Variants in GRIK2 observed in about 807,000 individuals in gnomAD.
GRIK2 encodes the protein glutamate ionotropic receptor kainate type subunit 2.
A neutral mutation model predicts 100.3 loss-of-function variants in GRIK2; 32 were observed. The observed-to-expected ratio is 0.32, with a 90% confidence interval of 0.24 to 0.43. The LOEUF (loss-of-function observed/expected upper bound fraction) is 0.43, where lower values mean the gene tolerates loss of function less well. Among genes scored for constraint, GRIK2 ranks in the 20% least tolerant of loss-of-function variants. The pLI is 1.00. For missense variants in GRIK2, 843 were observed against 1,114.9 expected, an observed-to-expected ratio of 0.76 and a Z score of 3.47; for synonymous variants, 417 against 389.4, an observed-to-expected ratio of 1.07 and a Z score of -0.83.
At chr6:101,504,744 TA>T (rs1368056403) in intron 2 of GRIK2, among the ~76,000 whole-genome samples, 2 of 151,996 alleles carry the variant, frequency 1.3e-5, no homozygotes, top group Non-Finnish European at 1.5e-5. Flanking sequence ...AGATAACATA[TA>T]AAAAAATAAG....
At chr6:102,021,650 A>C (rs1479436476) in intron 14 of GRIK2, among the ~76,000 whole-genome samples, 5 of 151,542 alleles carry the variant, frequency 3.3e-5, no homozygotes, top group African/African-American at 9.7e-5. Flanking sequence ...TCAGACTCGT[A>C]TATTATATTC....
chr6:101,537,220 T>C (rs1562209066), intron 2 of GRIK2, among the ~76,000 whole-genome samples: 1 of 151,818 alleles, frequency 6.6e-6, no homozygotes, highest in Non-Finnish European at 1.5e-5. Context: ...ATATTAAATA[T>C]TATTCTTTCA....
At chr6:101,633,746 T>C (rs1780877979) in intron 4 of GRIK2, among the ~76,000 whole-genome samples, 1 of 152,090 alleles carries the variant, frequency 6.6e-6, no homozygotes, top group South Asian at 2.1e-4. Context: ...CAAATACACA[T>C]ACACATACAC....
intron 14 of GRIK2, among the ~76,000 whole-genome samples, chr6:101,962,031 A>T (rs141615793): frequency 5.3e-5 from 8 of 152,264 alleles, no homozygotes; most frequent in African/African-American, 1.9e-4. Flanking sequence ...AACCCACAGC[A>T]GTACTTGGGT....
At chr6:101,598,066 C>T (rs1294030576) in intron 2 of GRIK2, among the ~76,000 whole-genome samples, 1 of 151,740 alleles carries the variant, frequency 6.6e-6, no homozygotes, top group Non-Finnish European at 1.5e-5. Flanking sequence ...GATTGTATGG[C>T]TAGAAAATGT....
intron 14 of GRIK2, among the ~76,000 whole-genome samples, chr6:101,988,697 A>G (rs1032705784): frequency 2.0e-5 from 3 of 151,892 alleles, no homozygotes; most frequent in African/African-American, 7.2e-5. Flanking sequence ...TTGATCTTAA[A>G]CTTTAATTAA....
At chr6:101,631,091 TTTG>T (rs960438677) in intron 4 of GRIK2, among the ~76,000 whole-genome samples, 81 of 152,256 alleles carry the variant, frequency 5.3e-4, no homozygotes, top group African/African-American at 1.9e-3. Flanking sequence ...ATAATTAGCA[TTTG>T]TTGTTGTCAT....
intron 7 of GRIK2, among the ~76,000 whole-genome samples, chr6:101,765,645 T>C (rs976598587): frequency 2.0e-5 from 3 of 152,266 alleles, no homozygotes; most frequent in African/African-American, 7.2e-5. Flanking sequence ...AGAAGTCACA[T>C]GAAAATAGTC....
At chr6:101,924,546 A>G (rs1298318101) in intron 12 of GRIK2, 55 bp from the exon 13 acceptor site, 1 of 899,416 alleles carries the variant, frequency 1.1e-6, no homozygotes, top group African/African-American at 1.6e-5. Flanking sequence ...AATGCTGGAT[A>G]GAATTTCTTC....
chr6:101,981,446 A>G (rs1184233116), intron 14 of GRIK2, among the ~76,000 whole-genome samples: 1 of 151,870 alleles, frequency 6.6e-6, no homozygotes, highest in Non-Finnish European at 1.5e-5. Context: ...CATTCAGCCC[A>G]AAGATCAACT....
At chr6:101,644,419 C>T (rs921083067) in intron 4 of GRIK2, among the ~76,000 whole-genome samples, 3 of 151,488 alleles carry the variant, frequency 2.0e-5, no homozygotes, top group African/African-American at 4.8e-5. Context: ...TCTAGAGATG[C>T]CCAAGAATAA....
chr6:101,952,047 C>G (rs1327724076), intron 14 of GRIK2, among the ~76,000 whole-genome samples: 1 of 152,214 alleles, frequency 6.6e-6, no homozygotes, highest in East Asian at 1.9e-4. Context: ...CTTCAACAGT[C>G]ATAACCTTTT....
Position 102,035,514 on chromosome 6 carries a change from A to C in GRIK2, c.2259A>C (p.Thr753=), listed in dbSNP as rs1296900222. The C allele has an allele frequency of 8.1e-6, 13 of 1,609,922 alleles. No individual in the cohort carries two copies. The highest frequency in any genetic ancestry group is 1.1e-5 in the Non-Finnish European group (13 of 1,177,196). ...EFVTQRNCNL[T]QIGGLIDSKG... Reference sequence around the variant, plus strand: ...TTACCCAGCGGAACTGTAACCTGACACAGATTGGCGGCCTTATAGACTCTA... The same window carrying C: ...TTACCCAGCGGAACTGTAACCTGACCCAGATTGGCGGCCTTATAGACTCTA... The change falls in exon 15 of 17, where the codon ACA becomes ACC. Residue 753 remains threonine, a synonymous_variant. Transcript: ENST00000369134.
intron 11 of GRIK2, among the ~76,000 whole-genome samples, chr6:101,869,253 C>T (rs375122898): frequency 8.6e-5 from 13 of 151,834 alleles, no homozygotes; most frequent in South Asian, 4.2e-4. Flanking sequence ...AGACAATTTG[C>T]GGAGGGAGAA....
At chr6:101,441,642 A>G (rs1770068384) in intron 2 of GRIK2, among the ~76,000 whole-genome samples, 1 of 151,954 alleles carries the variant, frequency 6.6e-6, no homozygotes, top group Admixed American at 6.6e-5. Flanking sequence ...TTTTCTTTTC[A>G]ACTGTTAGTT....
chr6:101,699,692 C>A (rs1219361935), intron 7 of GRIK2, among the ~76,000 whole-genome samples: 3 of 152,086 alleles, frequency 2.0e-5, no homozygotes, highest in Non-Finnish European at 4.4e-5. Flanking sequence ...AAGGACAGAG[C>A]AGTGTCTATA....
At chr6:101,914,299 G>A in intron 12 of GRIK2, among the ~76,000 whole-genome samples, 1 of 151,486 alleles carries the variant, frequency 6.6e-6, no homozygotes, top group Admixed American at 6.6e-5. Flanking sequence ...TTGTCAGTTT[G>A]GTATGGAGAG....
chr6:101,395,398 A>G (rs1774962225), intron 1 of GRIK2, among the ~76,000 whole-genome samples: 1 of 152,138 alleles, frequency 6.6e-6, no homozygotes, highest in African/African-American at 2.4e-5. Context: ...AAATATAGCT[A>G]TGGCATGTAA....
intron 4 of GRIK2, among the ~76,000 whole-genome samples, chr6:101,657,154 C>A (rs1391041257): frequency 3.9e-5 from 6 of 152,132 alleles, no homozygotes; most frequent in Admixed American, 3.9e-4. Flanking sequence ...GCTTTGTGTC[C>A]TCACCCAAAT....
Sources: gnomAD v4.1 joint callset for allele counts (sites outside exome capture counted in the v4.1 genomes callset) on GRCh38, gnomAD v4.1.1 for gene constraint, MANE v1.5 for transcripts, NCBI Gene and HGNC (gene_info 2026-07-23, HGNC 2026-07-21) for gene names.